The following ASMT variants were observed in gnomAD, a reference collection of about 807,000 sequenced individuals.
ASMT encodes the protein acetylserotonin O-methyltransferase, also known as acetylserotonin N-methyltransferase.
Under a neutral mutation model 41.3 loss-of-function variants are expected in ASMT, and 53 were observed. The ratio of observed to expected loss-of-function variants is 1.28; its 90% CI spans 1.03 to 1.61. The LOEUF (loss-of-function observed/expected upper bound fraction) is 1.61, where lower values mean the gene tolerates loss of function less well. ASMT is among the 40% of genes most tolerant of loss of function. The pLI, the probability that ASMT is intolerant of heterozygous loss-of-function variation, is 0.00. For synonymous variants in ASMT, 231 were observed against 184.8 expected, an observed-to-expected ratio of 1.25 and a Z score of -2.03; for missense variants, 531 against 441.3, an observed-to-expected ratio of 1.20 and a Z score of -1.82.
chrX:1,623,414 G>A lies in ASMT; in HGVS notation c.244+101G>A. The A allele has an allele frequency of 2.1e-6, 3 of 1,422,310 alleles. 1 individual carries two copies. The South Asian group carries it at 3.5e-5, about 17-fold the overall frequency. The allele number at this position is 1,422,310 out of a possible 1,614,324, so 88.1% of individuals were successfully genotyped here. A position where few individuals can be genotyped will look rare whatever the true frequency, so the allele number is the denominator to read the frequency against. On this transcript the variant is annotated intron_variant, in intron 2 of 8. Transcript: ENST00000381241. The stretch of plus-strand genomic sequence containing the variant: ...AACAGTCTCCATCCTGGCTCACACA[G>A]TGAAACCCCGTCTCTACTAAAAAAA...
chrX:1,621,222 GGTTT>G (rs1934327563), intron 1 of ASMT, among the ~76,000 whole-genome samples: 1 of 152,168 alleles, frequency 6.6e-6, no homozygotes, highest in African/African-American at 2.4e-5. Flanking sequence ...CTTTCCCTGT[GGTTT>G]GTTTATGACT....
chrX:1,625,920 A>G (rs1478976427), intron 3 of ASMT, among the ~76,000 whole-genome samples: 13 of 139,658 alleles, frequency 9.3e-5, no homozygotes, highest in Non-Finnish European at 3.0e-5. Context: ...GCACCACTGC[A>G]CTCCAGCCTG....
At chrX:1,631,889 A>C (rs1365383556) in intron 5 of ASMT, among the ~76,000 whole-genome samples, 1 of 152,122 alleles carries the variant, frequency 6.6e-6, no homozygotes, top group Non-Finnish European at 1.5e-5. Flanking sequence ...CTCTACTAAA[A>C]ATACAAAAAC....
chrX:1,624,278 G>C lies in ASMT; in HGVS notation c.254G>C (p.Arg85Pro), dbSNP rs763223793. ...TTTGTGTGTGTTTCAGCTTTCTATC[G>C]AAACACAGAGCTGTCCAGCGACTAC... is the stretch of plus-strand genomic sequence containing the variant. ...VETRGGKAFY[R>P]NTELSSDYLT... is the part of the protein sequence containing the mutation. The change falls in exon 3 of 9, where the codon CGA becomes CCA. Residue 85 changes from arginine (R) to proline (P), a missense_variant. By Grantham distance (103) the Arg-to-Pro change is moderately radical (BLOSUM62 -2). Transcript: ENST00000381241. 3.1e-6 allele frequency: 5 copies of C among 1,613,748 alleles called. No homozygotes were observed. The African/African-American group carries it at 5.3e-5, about 17-fold the overall frequency.
intron 6 of ASMT, 117 bp from the exon 7 acceptor site, chrX:1,633,033 A>C: frequency 8.6e-7 from 1 of 1,159,990 alleles, no homozygotes. Flanking sequence ...AAGACCAGAC[A>C]TGGCGGAAGG....
rs1569384688 is a variant in ASMT at position 1,637,138 on chromosome X, C to CAT, written c.910+578_910+579insAT. ...GAGGTCCACCCATCCTGATGCTTCA[C>CAT]GAGGACGTGGGCACAGCCTCTGTGT... On this transcript the variant is annotated intron_variant, in intron 8 of 8. Coordinates refer to ENST00000381241, the MANE Select transcript of ASMT (RefSeq NM_001171038.2). Among the ~76,000 whole-genome samples, 207 of 66,810 alleles carry CAT rather than the reference C, an allele frequency of 3.1e-3. 4 individuals carry two copies. The highest frequency in any genetic ancestry group is 9.9e-3 in the Admixed American group (64 of 6,480). 43.8% of individuals were successfully genotyped at this position (66,810 alleles called of 152,430 possible). A position where few individuals can be genotyped will look rare whatever the true frequency, so the allele number is the denominator to read the frequency against.
At chrX:1,624,064 C>T (rs58014200) in intron 2 of ASMT, 4,366 of 185,912 alleles carry the variant, frequency 0.023, 146 homozygotes, top group South Asian at 0.12. Flanking sequence ...AAACCGAACC[C>T]GACGGGGGTG....
chrX:1,624,811 GC>G (rs1319801218), intron 3 of ASMT, among the ~76,000 whole-genome samples: 3 of 77,720 alleles, frequency 3.9e-5, no homozygotes, highest in Admixed American at 2.9e-4. Context: ...GGTGGGGGCT[GC>G]ACCCAGGCAG....
rs149222772 is a variant in ASMT at position 1,623,166 on chromosome X, G to T, written c.97G>T (p.Val33Leu). The T allele has an allele frequency of 5.6e-6, 9 of 1,612,934 alleles. No individual in the cohort carries two copies. The highest frequency in any genetic ancestry group is 1.7e-5 in the Admixed American group (1 of 59,992). Residue 33 changes from valine to leucine, a missense_variant, in exon 2 of 9, where the codon GTG (valine) becomes TTG (leucine). Transcript: ENST00000381241. Reference sequence around the variant, plus strand: ...TCTCTTCGCCGCCTGCGAGCTGGGCGTGTTTGACCTTCTCGCCGAGGCCCC... The same window carrying T: ...TCTCTTCGCCGCCTGCGAGCTGGGCTTGTTTGACCTTCTCGCCGAGGCCCC... ...QVLFAACELG[V>L]FDLLAEAPGP...
At chrX:1,635,194 C>T (rs2149471448) in intron 7 of ASMT, among the ~76,000 whole-genome samples, 1 of 149,264 alleles carries the variant, frequency 6.7e-6, no homozygotes, top group African/African-American at 2.5e-5. Flanking sequence ...CCGTGTTAGC[C>T]AGGATGGTCT....
intron 4 of ASMT, 60 bp from the exon 5 acceptor site, chrX:1,629,761 C>T: frequency 6.6e-7 from 1 of 1,507,458 alleles, no homozygotes; most frequent in Non-Finnish European, 9.2e-7. Flanking sequence ...TATGTACACC[C>T]TTGCTCTGGG....
intron 1 of ASMT, among the ~76,000 whole-genome samples, chrX:1,615,762 A>C (rs779485680): frequency 6.6e-6 from 1 of 151,768 alleles, no homozygotes; most frequent in Non-Finnish European, 1.5e-5. Flanking sequence ...AGATCGCACC[A>C]CTGCACTCCC....
intron 4 of ASMT, chrX:1,628,063 G>C (rs7063754): frequency 4.2e-6 from 2 of 473,966 alleles, no homozygotes; most frequent in Non-Finnish European, 7.6e-6. Context: ...GCTCACGCCT[G>C]TCATCCCAGA....
chrX:1,629,515 G>A (rs1398499836), intron 4 of ASMT, among the ~76,000 whole-genome samples: 3 of 152,132 alleles, frequency 2.0e-5, no homozygotes, highest in Non-Finnish European at 4.4e-5. Flanking sequence ...CTGTGGATGG[G>A]GGAACGTATT....
Position 1,642,794 on chromosome X carries a change from C to T in ASMT, c.911-9C>T. ...GTGTGTGATGTGGACTGTGCCCCTC[C>T]CTTTCTAGGTGGTGGCATTCTGGTA... On this transcript the variant is annotated splice_polypyrimidine_tract_variant and intron_variant, in intron 8 of 8. Coordinates refer to ENST00000381241, the MANE Select transcript of ASMT (RefSeq NM_001171038.2). 1.2e-6 allele frequency: 2 copies of T among 1,613,522 alleles called. No individual in the cohort carries two copies. The highest frequency in any genetic ancestry group is 1.7e-6 in the Non-Finnish European group (2 of 1,179,504).
Position 1,616,157 on chromosome X carries a change from T to C in ASMT, c.69+889T>C, listed in dbSNP as rs192705307. 9.1e-3 allele frequency among the ~76,000 whole-genome samples: 1,377 copies of C among 150,606 alleles called. 63 individuals carry two copies. The highest frequency in any genetic ancestry group is 0.032 in the African/African-American group (1,302 of 40,346). ...TATTCTCCTGCTTCAGCCTCCCGAG[T>C]ATCTGGGATTACAGGCACCCACCAC... On this transcript the variant is annotated intron_variant, in intron 1 of 8. Coordinates refer to ENST00000381241, the MANE Select transcript of ASMT (RefSeq NM_001171038.2).
At position 1,616,244 on chromosome X, in the gene ASMT, G is replaced by C. The variant is rs149563925; in HGVS notation, c.69+976G>C. On this transcript the variant is annotated intron_variant, in intron 1 of 8. Transcript: ENST00000381241. ...GGGTTTCACCATGTTGGCCAGGCTG[G>C]TCTCGAACTCCTGACCTCAAGTGAT... is the stretch of plus-strand genomic sequence containing the variant. Among the ~76,000 whole-genome samples the C allele has an allele frequency of 5.0e-3, 764 of 151,532 alleles. 8 individuals are homozygous for C. The highest frequency in any genetic ancestry group is 0.017 in the African/African-American group (723 of 41,424).
chrX:1,617,421 G>A (rs1274848329), intron 1 of ASMT, among the ~76,000 whole-genome samples: 10 of 145,704 alleles, frequency 6.9e-5, no homozygotes, highest in African/African-American at 1.3e-4. Context: ...GCAGTGAGCC[G>A]AGATTATGCC....
rs779080045 is a variant in ASMT, at chrX:1,633,299, G to T, written c.787+9G>T. ...GATTGACTTCCAGGAAGGTGTGTTT[G>T]TGTCCGTGGGGAAGCAGAGATGTGT... On this transcript the variant is annotated intron_variant, in intron 7 of 8. Transcript: ENST00000381241. 7 of 1,613,882 alleles carry T rather than the reference G, an allele frequency of 4.3e-6. No homozygotes were observed. The South Asian group carries it at 5.5e-5, about 13-fold the overall frequency.
Sources: gnomAD v4.1 joint callset for allele counts (sites outside exome capture counted in the v4.1 genomes callset) on GRCh38, gnomAD v4.1.1 for gene constraint, MANE v1.5 for transcripts, NCBI Gene and HGNC (gene_info 2026-07-23, HGNC 2026-07-21) for gene names.